The following SEMA6D variants were observed in gnomAD, a reference collection of about 807,000 sequenced individuals.
The protein encoded by SEMA6D is semaphorin-6D.
In SEMA6D, 35 loss-of-function variants were observed where a neutral mutation model predicts 106.6. That is an observed-to-expected ratio of 0.33 (90% CI 0.25 to 0.44). The LOEUF (loss-of-function observed/expected upper bound fraction) is 0.44. Among genes scored for constraint, SEMA6D ranks in the 20% least tolerant of loss-of-function variants. The pLI, the probability that SEMA6D is intolerant of heterozygous loss-of-function variation, is 1.00. For missense variants in SEMA6D, 1,185 were observed against 1,345.9 expected (o/e 0.88, Z 1.87); for synonymous variants, 499 against 487.7 (o/e 1.02, Z -0.31).
At chr15:47,745,036 C>T (rs7166162) in intron 1 of SEMA6D, among the ~76,000 whole-genome samples, 1 of 152,264 alleles carries the variant, frequency 6.6e-6, no homozygotes, top group South Asian at 2.1e-4. Context: ...TTTTTTACCT[C>T]CCTATTATCT....
intron 1 of SEMA6D, among the ~76,000 whole-genome samples, chr15:47,348,727 C>CCACACAGAGAGAGAGAG (rs1555425939): frequency 2.1e-4 from 12 of 57,114 alleles, no homozygotes; most frequent in Non-Finnish European, 2.8e-4. Flanking sequence ...ACCACACACA[C>CCACACAGAGAGAGAGAG]AGAGAGAGAG....
chr15:47,252,355 T>A (rs2033570377), intron 1 of SEMA6D, among the ~76,000 whole-genome samples: 1 of 152,188 alleles, frequency 6.6e-6, no homozygotes, highest in African/African-American at 2.4e-5. Context: ...ATCAGGGCAG[T>A]TAGCGTGTCC....
intron 1 of SEMA6D, among the ~76,000 whole-genome samples, chr15:47,277,582 A>G (rs143581122): frequency 0.011 from 325 of 28,362 alleles, 2 homozygotes; most frequent in Non-Finnish European, 0.043. Context: ...AGGTATGTAT[A>G]TTATTATTAT....
intron 1 of SEMA6D, among the ~76,000 whole-genome samples, chr15:47,756,387 A>G (rs1420816957): frequency 6.6e-6 from 1 of 152,038 alleles, no homozygotes; most frequent in Non-Finnish European, 1.5e-5. Context: ...AATAGACATG[A>G]TGATATTCGT....
At position 47,547,408 on chromosome 15, in the gene SEMA6D, A is replaced by G. The variant is rs910649432; in HGVS notation, c.-86-53457A>G. On this transcript the variant is annotated intron_variant, in intron 3 of 19. Transcript: ENST00000558014. ...TAAAGCTTGGGAAAGACCCTACTGC[A>G]GAATAAAATGTCTTGCTTTTCAACT... Among the ~76,000 whole-genome samples, 5 of 152,216 alleles carry G rather than the reference A, an allele frequency of 3.3e-5. No individual in the cohort carries two copies. In the East Asian group the frequency reaches 9.6e-4, roughly 29 times the overall value.
chr15:47,687,066 C>CAAAAAAAAAAAAAA (rs369941348), intron 4 of SEMA6D, among the ~76,000 whole-genome samples: 1 of 121,036 alleles, frequency 8.3e-6, no homozygotes. Context: ...ACCCTGTATC[C>CAAAAAAAAAAAAAA]AAAAAAAAAA....
intron 2 of SEMA6D, among the ~76,000 whole-genome samples, chr15:47,461,276 CCTTGCA>C (rs1352089434): frequency 6.6e-6 from 1 of 152,056 alleles, no homozygotes; most frequent in Non-Finnish European, 1.5e-5. Flanking sequence ...CATGCAGAAA[CCTTGCA>C]CTCTGAAATT....
chr15:47,671,330 CAA>C (rs1469585618), intron 4 of SEMA6D, among the ~76,000 whole-genome samples: 1 of 152,080 alleles, frequency 6.6e-6, no homozygotes, highest in East Asian at 1.9e-4. Context: ...TTGTAAAATA[CAA>C]AGTGATGCAG....
intron 4 of SEMA6D, among the ~76,000 whole-genome samples, chr15:47,607,981 G>A (rs912747830): frequency 1.6e-4 from 24 of 152,158 alleles, no homozygotes; most frequent in Admixed American, 6.5e-5. Context: ...TTTTTGCACT[G>A]TCTGTTATAA....
intron 1 of SEMA6D, among the ~76,000 whole-genome samples, chr15:47,344,399 A>G (rs1176343556): frequency 2.0e-5 from 3 of 152,308 alleles, no homozygotes; most frequent in East Asian, 3.9e-4. Context: ...TTCTCAAGAT[A>G]CTGTATGTCA....
In SEMA6D at chr15:47,586,897, T is replaced by TTG. The variant is rs2076350960; in HGVS notation, c.-86-13967_-86-13966insGT. Among the ~76,000 whole-genome samples, 4 of 150,980 alleles carry TTG rather than the reference T, an allele frequency of 2.6e-5. No individual in the cohort carries two copies. In the South Asian group the frequency reaches 8.5e-4, roughly 32 times the overall value. On this transcript the variant is annotated intron_variant, in intron 3 of 19. Transcript: ENST00000558014. ...AAATGAAATTTGACAGGTTTTTTTT[T>TTG]TTTTTTTTTTACAAGACCTGTCTGT...
intron 1 of SEMA6D, among the ~76,000 whole-genome samples, chr15:47,210,138 T>C (rs1307937333): frequency 6.6e-6 from 1 of 152,188 alleles, no homozygotes; most frequent in Non-Finnish European, 1.5e-5. Flanking sequence ...ACTGATTAAA[T>C]CCCATACCAT....
intron 1 of SEMA6D, among the ~76,000 whole-genome samples, chr15:47,301,468 G>A (rs557993846): frequency 8.9e-4 from 136 of 152,320 alleles, no homozygotes; most frequent in Non-Finnish European, 1.4e-3. Context: ...GAGCAGAAGC[G>A]ACAACAGGTA....
At chr15:47,489,143 A>G (rs2043386495) in intron 3 of SEMA6D, among the ~76,000 whole-genome samples, 1 of 152,182 alleles carries the variant, frequency 6.6e-6, no homozygotes, top group African/African-American at 2.4e-5. Context: ...GGAGACAGCC[A>G]GAGAAGAAGG....
intron 1 of SEMA6D, among the ~76,000 whole-genome samples, chr15:47,207,993 G>GCGCACA (rs1424944556): frequency 4.9e-3 from 435 of 89,366 alleles, no homozygotes; most frequent in Middle Eastern, 0.024. Context: ...TGGCGCGCGC[G>GCGCACA]CACACACACA....
chr15:47,506,330 G>A (rs1026185261), intron 3 of SEMA6D, among the ~76,000 whole-genome samples: 1 of 152,116 alleles, frequency 6.6e-6, no homozygotes, highest in African/African-American at 2.4e-5. Context: ...CAAGTAACGT[G>A]TCTTCATGTT....
At chr15:47,219,728 C>G (rs2031009946) in intron 1 of SEMA6D, among the ~76,000 whole-genome samples, 1 of 152,210 alleles carries the variant, frequency 6.6e-6, no homozygotes. Context: ...AACAAACCAC[C>G]CTCAAAAGCG....
chr15:47,446,294 G>A (rs913231584), intron 2 of SEMA6D, among the ~76,000 whole-genome samples: 2 of 152,146 alleles, frequency 1.3e-5, no homozygotes, highest in Non-Finnish European at 2.9e-5. Context: ...CACAAGCCTT[G>A]GGGGAAGCCA....
At chr15:47,758,779 G>A (rs554766281) in intron 1 of SEMA6D, among the ~76,000 whole-genome samples, 16 of 152,246 alleles carry the variant, frequency 1.1e-4, no homozygotes, top group African/African-American at 3.8e-4. Flanking sequence ...AGTCATTTAT[G>A]TTCTCCTTTC....
Sources: allele counts gnomAD v4.1 joint callset (sites outside exome capture counted in the v4.1 genomes callset), GRCh38; gene constraint gnomAD v4.1.1; transcripts MANE v1.5; gene names NCBI Gene and HGNC (gene_info 2026-07-23, HGNC 2026-07-21).